CADM1: variants seen among roughly 807,000 people sequenced by gnomAD.
The protein encoded by CADM1 is TSLC-1.
In CADM1, 15 loss-of-function variants were observed where a neutral mutation model predicts 53.1. The observed-to-expected ratio is 0.28, with a 90% CI of 0.19 to 0.44. The LOEUF (loss-of-function observed/expected upper bound fraction) is 0.44. Among genes scored for constraint, CADM1 ranks in the 20% least tolerant of loss-of-function variants. The probability of loss-of-function intolerance (pLI) is 1.00; values close to 1 mark genes in which losing one functional copy is unlikely to be tolerated. For missense variants in CADM1, 434 were observed against 611.3 expected, an observed-to-expected ratio of 0.71 and a Z score of 3.06; for synonymous variants, 281 against 243.0, an observed-to-expected ratio of 1.16 and a Z score of -1.45.
chr11:115,343,660 T>C (rs1401928050), intron 1 of CADM1, among the ~76,000 whole-genome samples: 1 of 151,232 alleles, frequency 6.6e-6, no homozygotes, highest in Non-Finnish European at 1.5e-5. Context: ...TATCAGATTA[T>C]ACACATCATT....
At chr11:115,447,531 C>A (rs1300167706) in intron 1 of CADM1, among the ~76,000 whole-genome samples, 1 of 152,152 alleles carries the variant, frequency 6.6e-6, no homozygotes, top group Admixed American at 6.5e-5. Flanking sequence ...TACCCTCGGA[C>A]ACAAGGTTAA....
At chr11:115,371,639 T>A in intron 1 of CADM1, among the ~76,000 whole-genome samples, 2 of 55,772 alleles carry the variant, frequency 3.6e-5, no homozygotes, top group African/African-American at 1.0e-4. Flanking sequence ...TCAGACTGGA[T>A]TTTTTTTTTT....
chr11:115,179,116 G>T (rs1314634060), intron 10 of CADM1: 1 of 352,414 alleles, frequency 2.8e-6, no homozygotes, highest in East Asian at 6.8e-5. Context: ...CTAATTAAGG[G>T]GGCTGACCTG....
At chr11:115,257,240 G>GT in intron 1 of CADM1, among the ~76,000 whole-genome samples, 1 of 151,772 alleles carries the variant, frequency 6.6e-6, no homozygotes, top group African/African-American at 2.4e-5. Context: ...GCCAATTTTT[G>GT]AGTGACTGCC....
chr11:115,424,951 T>C (rs945395087), intron 1 of CADM1, among the ~76,000 whole-genome samples: 2 of 152,194 alleles, frequency 1.3e-5, no homozygotes, highest in African/African-American at 4.8e-5. Flanking sequence ...ATGTGCAGAT[T>C]GTTTTAATGT....
At chr11:115,438,564 C>T (rs747138772) in intron 1 of CADM1, among the ~76,000 whole-genome samples, 7 of 152,044 alleles carry the variant, frequency 4.6e-5, no homozygotes, top group South Asian at 2.1e-4. Flanking sequence ...GGCCTCTTGT[C>T]TAACTTATTT....
intron 1 of CADM1, among the ~76,000 whole-genome samples, chr11:115,286,704 G>T (rs1328406009): frequency 6.6e-6 from 1 of 152,136 alleles, no homozygotes; most frequent in African/African-American, 2.4e-5. Context: ...GTTCTGCATA[G>T]GGCCTGTCTT....
chr11:115,479,553 G>C (rs1046213040), intron 1 of CADM1, among the ~76,000 whole-genome samples: 1 of 152,164 alleles, frequency 6.6e-6, no homozygotes, highest in Non-Finnish European at 1.5e-5. Flanking sequence ...TTTGGAGTCT[G>C]ATTTCCAATA....
At chr11:115,404,328 A>G (rs112787414) in intron 1 of CADM1, among the ~76,000 whole-genome samples, 10 of 14,828 alleles carry the variant, frequency 6.7e-4, no homozygotes, top group South Asian at 4.8e-3. Flanking sequence ...TCTGTCTCGG[A>G]AAAAAAAAAA....
intron 8 of CADM1, among the ~76,000 whole-genome samples, chr11:115,203,276 T>C (rs1037139055): frequency 3.3e-5 from 5 of 152,296 alleles, no homozygotes; most frequent in East Asian, 1.9e-4. Flanking sequence ...GGAATCTGTA[T>C]AGTGGTTTCA....
chr11:115,420,655 G>A (rs903318482), intron 1 of CADM1, among the ~76,000 whole-genome samples: 1 of 152,192 alleles, frequency 6.6e-6, no homozygotes, highest in Non-Finnish European at 1.5e-5. Context: ...AAGAGGCCCA[G>A]AGGACCTGAC....
chr11:115,478,301 G>A (rs948060383), intron 1 of CADM1, among the ~76,000 whole-genome samples: 3 of 151,694 alleles, frequency 2.0e-5, no homozygotes, highest in African/African-American at 7.3e-5. Flanking sequence ...AAATAAAACA[G>A]GTTACCTTGC....
At chr11:115,227,995 C>A (rs1265423255) in intron 5 of CADM1, among the ~76,000 whole-genome samples, 6 of 152,214 alleles carry the variant, frequency 3.9e-5, no homozygotes, top group African/African-American at 1.4e-4. Flanking sequence ...TGAGGCCATT[C>A]TGGATTATCT....
At chr11:115,188,185 C>T (rs1352577551) in intron 10 of CADM1, among the ~76,000 whole-genome samples, 1 of 152,172 alleles carries the variant, frequency 6.6e-6, no homozygotes, top group Non-Finnish European at 1.5e-5. Context: ...GATAAATATG[C>T]TTAAAGCTAT....
intron 1 of CADM1, among the ~76,000 whole-genome samples, chr11:115,394,236 G>T (rs937664037): frequency 1.3e-5 from 2 of 152,180 alleles, no homozygotes; most frequent in African/African-American, 4.8e-5. Flanking sequence ...TCTATCTAAA[G>T]CAAGTATTAG....
At chr11:115,495,838 C>A (rs1387504138) in intron 1 of CADM1, among the ~76,000 whole-genome samples, 1 of 152,122 alleles carries the variant, frequency 6.6e-6, no homozygotes, top group Non-Finnish European at 1.5e-5. Context: ...TAACTACACG[C>A]ACCAGACACA....
At chr11:115,371,638 A>ATT (rs11396249) in intron 1 of CADM1, among the ~76,000 whole-genome samples, 1,942 of 135,388 alleles carry the variant, frequency 0.014, 51 homozygotes, top group African/African-American at 0.04. Context: ...GTCAGACTGG[A>ATT]TTTTTTTTTT....
chr11:115,234,591 A>G (rs868001143), intron 3 of CADM1, among the ~76,000 whole-genome samples: 4 of 152,158 alleles, frequency 2.6e-5, no homozygotes, highest in African/African-American at 9.7e-5. Context: ...GGAAAACTTC[A>G]GAAGCATTAG....
chr11:115,242,656 T>C (rs778692802), intron 1 of CADM1, among the ~76,000 whole-genome samples: 22 of 152,168 alleles, frequency 1.4e-4, no homozygotes, highest in Non-Finnish European at 2.9e-4. Context: ...TAGACAAGAA[T>C]ACCAAACACG....
Sources: allele counts gnomAD v4.1 joint callset (sites outside exome capture counted in the v4.1 genomes callset), GRCh38; gene constraint gnomAD v4.1.1; transcripts MANE v1.5; gene names NCBI Gene and HGNC (gene_info 2026-07-23, HGNC 2026-07-21).